NUAK1: variants seen among roughly 807,000 people sequenced by gnomAD.
The protein encoded by NUAK1 is NUAK family kinase 1.
A neutral mutation model predicts 56.9 loss-of-function variants in NUAK1; 26 were observed. The observed-to-expected ratio is 0.46, with a 90% CI of 0.33 to 0.63. The LOEUF (loss-of-function observed/expected upper bound fraction) is 0.63. NUAK1 is among the 30% of genes least tolerant of loss of function. The pLI, the probability that NUAK1 is intolerant of heterozygous loss-of-function variation, is 0.02. For synonymous variants in NUAK1, 337 were observed against 336.0 expected, an observed-to-expected ratio of 1.00 and a Z score of -0.03; for missense variants, 727 against 876.1, an observed-to-expected ratio of 0.83 and a Z score of 2.15.
chr12:106,135,781 T>A (rs35710706), intron 1 of NUAK1, among the ~76,000 whole-genome samples: 27,184 of 152,162 alleles, frequency 0.18, 2,786 homozygotes, highest in African/African-American at 0.28. Flanking sequence ...TCAAAGCATG[T>A]TGTGAATGTT....
At position 106,083,767 on chromosome 12, in the gene NUAK1, C is replaced by G. The variant is rs2032542929; in HGVS notation, c.579+97G>C. ...CACCAGCCTGCCAGGTAGGAAGTGG[C>G]TGCCTTATTTCCAGGCTGCGGCTTG... On this transcript the variant is annotated intron_variant, in intron 4 of 6. Transcript: ENST00000261402. The G allele has an allele frequency of 4.9e-6, 5 of 1,029,796 alleles. No homozygotes were observed. In the South Asian group the frequency reaches 6.8e-5, roughly 14 times the overall value. The allele number at this position is 1,029,796 out of a possible 1,614,324, so 63.8% of individuals were successfully genotyped here. A position where few individuals can be genotyped will look rare whatever the true frequency, so the allele number is the denominator to read the frequency against.
At chr12:106,120,535 C>A (rs531963637) in intron 1 of NUAK1, among the ~76,000 whole-genome samples, 1 of 151,862 alleles carries the variant, frequency 6.6e-6, no homozygotes, top group East Asian at 1.9e-4. Context: ...GAGAAGGGGG[C>A]TGGGAGAAAA....
intron 1 of NUAK1, 37 bp from the exon 2 acceptor site, chr12:106,106,562 T>C (rs2032803786): frequency 1.9e-6 from 3 of 1,585,732 alleles, no homozygotes; most frequent in Non-Finnish European, 2.6e-6. Flanking sequence ...TTCAGAGAGC[T>C]AAACAGATGC....
In NUAK1 at chr12:106,134,748, C is replaced by A. The variant is rs73193874; in HGVS notation, c.240+3666G>T. 1.0e-2 allele frequency among the ~76,000 whole-genome samples: 1,520 copies of A among 152,320 alleles called. 7 individuals are homozygous for A. The highest frequency in any genetic ancestry group is 0.015 in the Non-Finnish European group (1,022 of 68,032). ...CATGCCGAATTATGACACAGAGGCT[C>A]ACCCAGTAGGCCTGCCCAAAACTGT... On this transcript the variant is annotated intron_variant, in intron 1 of 6. Coordinates refer to ENST00000261402, the MANE Select transcript of NUAK1 (RefSeq NM_014840.3).
Position 106,114,414 on chromosome 12 carries a change from G to A in NUAK1, c.241-7889C>T, listed in dbSNP as rs2032896182. Among the ~76,000 whole-genome samples the A allele has an allele frequency of 3.9e-5, 6 of 152,332 alleles. No individual in the cohort carries two copies. The South Asian group carries it at 1.2e-3, about 32-fold the overall frequency. On this transcript the variant is annotated intron_variant, in intron 1 of 6. Coordinates refer to ENST00000261402, the MANE Select transcript of NUAK1 (RefSeq NM_014840.3). ...AGTTTCCTCACCTGCAAATGAGGAT[G>A]ATGATGGTACCAACCTCACAAGGTT...
chr12:106,123,186 G>A (rs781440483), intron 1 of NUAK1, among the ~76,000 whole-genome samples: 47 of 152,202 alleles, frequency 3.1e-4, no homozygotes, highest in Non-Finnish European at 5.7e-4. Flanking sequence ...TGTGATGAAC[G>A]AGGTTGCTCA....
intron 1 of NUAK1, among the ~76,000 whole-genome samples, chr12:106,108,358 G>A (rs1289356496): frequency 2.6e-5 from 4 of 152,194 alleles, no homozygotes; most frequent in East Asian, 1.9e-4. Context: ...GACCCTGGGT[G>A]GACCCATGGC....
At chr12:106,115,366 A>T (rs1209092537) in intron 1 of NUAK1, among the ~76,000 whole-genome samples, 1 of 152,246 alleles carries the variant, frequency 6.6e-6, no homozygotes. Flanking sequence ...AAGATTCTGC[A>T]GAAGTTATTT....
Position 106,067,456 on chromosome 12 carries a change from G to A in NUAK1, c.1332C>T (p.Ser444=). 1.2e-6 allele frequency: 2 copies of A among 1,614,174 alleles called. No individual in the cohort carries two copies. Among genetic ancestry groups the A allele is most frequent in the Non-Finnish European group, 1.7e-6 (2 of 1,180,036 alleles). ...DLCRTGVLLP[S]SPEAEVPGKL... is the part of the protein sequence containing the mutation. Reference sequence around the variant, plus strand: ...TTCCCGGCACCTCTGCCTCTGGTGAGCTTGGGAGGAGCACGCCAGTCCTGC... The same window carrying A: ...TTCCCGGCACCTCTGCCTCTGGTGAACTTGGGAGGAGCACGCCAGTCCTGC... The change falls in exon 7 of 7, where the codon AGC becomes AGT. Residue 444 remains serine, a synonymous_variant. Transcript: ENST00000261402. This position sits in a 1 kb window ranked among gnomAD's most constrained non-coding sequence, Gnocchi z 6.0.
chr12:106,082,260 T>G (rs547257893), intron 4 of NUAK1, among the ~76,000 whole-genome samples: 2 of 152,288 alleles, frequency 1.3e-5, no homozygotes, highest in African/African-American at 4.8e-5. Flanking sequence ...ATGAGGAAAC[T>G]AAAGCCTAAA....
chr12:106,082,615 A>G (rs2136460762), intron 4 of NUAK1, among the ~76,000 whole-genome samples: 1 of 152,350 alleles, frequency 6.6e-6, no homozygotes, highest in African/African-American at 2.4e-5. Flanking sequence ...ATTCCCATGG[A>G]GAACTACTTT....
intron 2 of NUAK1, among the ~76,000 whole-genome samples, chr12:106,104,626 C>T (rs79819904): frequency 0.014 from 2,084 of 152,246 alleles, 46 homozygotes; most frequent in African/African-American, 0.047. Context: ...GCCACTAGCC[C>T]AGGCACTTTG....
At chr12:106,080,316 G>A (rs1038332064) in intron 4 of NUAK1, among the ~76,000 whole-genome samples, 1 of 152,218 alleles carries the variant, frequency 6.6e-6, no homozygotes, top group Admixed American at 6.5e-5. Flanking sequence ...TCTTGGAGGA[G>A]GTCGGCTGAC....
chr12:106,094,121 TAA>T (rs1219616687), intron 2 of NUAK1, among the ~76,000 whole-genome samples: 1 of 146,210 alleles, frequency 6.8e-6, no homozygotes, highest in Non-Finnish European at 1.5e-5. Context: ...TCTGTTGATT[TAA>T]AAAAAAAAAG....
At chr12:106,119,191 G>C (rs2032949489) in intron 1 of NUAK1, among the ~76,000 whole-genome samples, 2 of 152,186 alleles carry the variant, frequency 1.3e-5, no homozygotes, top group Non-Finnish European at 2.9e-5. Flanking sequence ...TATAGCAATA[G>C]CTTCTTTATG....
intron 2 of NUAK1, among the ~76,000 whole-genome samples, chr12:106,105,251 C>T (rs2032789553): frequency 6.6e-6 from 1 of 152,158 alleles, no homozygotes; most frequent in Non-Finnish European, 1.5e-5. Context: ...CTGCACCCAG[C>T]AATAAGTTCA....
intron 4 of NUAK1, among the ~76,000 whole-genome samples, chr12:106,077,888 A>G (rs1033968097): frequency 2.6e-5 from 4 of 152,200 alleles, no homozygotes; most frequent in African/African-American, 9.7e-5. Context: ...TACCAAACCA[A>G]ATAAACTGAT....
intron 1 of NUAK1, among the ~76,000 whole-genome samples, chr12:106,126,935 A>G (rs2033030451): frequency 6.6e-6 from 1 of 152,190 alleles, no homozygotes; most frequent in Non-Finnish European, 1.5e-5. Context: ...CTAAGCATCT[A>G]AGGAATGAGC....
chr12:106,083,783 C>A (rs2032542961), intron 4 of NUAK1, 81 bp downstream of exon 4: 8 of 1,241,522 alleles, frequency 6.4e-6, no homozygotes, highest in Admixed American at 1.7e-5. Context: ...TATTTCCAGG[C>A]TGCGGCTTGG....
Sources: gnomAD v4.1 joint callset for allele counts (sites outside exome capture counted in the v4.1 genomes callset) on GRCh38, gnomAD v4.1.1 for gene constraint, Gnocchi (gnomAD v3.1) non-coding constraint, MANE v1.5 for transcripts, NCBI Gene and HGNC (gene_info 2026-07-23, HGNC 2026-07-21) for gene names.